The following SYNE3 variants were observed in gnomAD, a reference collection of about 807,000 sequenced individuals.
SYNE3 encodes the protein nesprin-3.
Under a neutral mutation model 111.2 loss-of-function variants are expected in SYNE3, and 100 were observed. The observed-to-expected ratio is 0.90, with a 90% CI of 0.77 to 1.06. The LOEUF is 1.06. Ranked by LOEUF, SYNE3 falls within the 50% of genes least tolerant of loss-of-function variation. The probability of loss-of-function intolerance (pLI) is 0.00; values close to 1 mark genes in which losing one functional copy is unlikely to be tolerated. For missense variants in SYNE3, 1,160 were observed against 1,240.3 expected, an observed-to-expected ratio of 0.94 and a Z score of 0.97; for synonymous variants, 547 against 533.9, an observed-to-expected ratio of 1.02 and a Z score of -0.34.
chr14:95,418,354 T>C (rs1290079569), intron 17 of SYNE3, among the ~76,000 whole-genome samples: 7 of 152,130 alleles, frequency 4.6e-5, no homozygotes, highest in Admixed American at 6.5e-5. Flanking sequence ...GAATCTCTAG[T>C]TTCTCATCTT....
chr14:95,432,207 T>C, intron 16 of SYNE3, 90 bp from the exon 17 acceptor site: 1 of 1,465,336 alleles, frequency 6.8e-7, no homozygotes, highest in Non-Finnish European at 9.3e-7. Flanking sequence ...TAATGGAATA[T>C]TCGTTTTGTC....
At chr14:95,495,835 C>T (rs1005700756) in intron 1 of SYNE3, among the ~76,000 whole-genome samples, 4 of 152,230 alleles carry the variant, frequency 2.6e-5, no homozygotes, top group African/African-American at 9.6e-5. Flanking sequence ...GCCCCAGTGG[C>T]TCATGCTGGA....
chr14:95,475,986 T>C (rs1440765383), intron 1 of SYNE3, 151 bp from the exon 2 acceptor site: 3 of 726,346 alleles, frequency 4.1e-6, no homozygotes, highest in Non-Finnish European at 5.8e-6. Context: ...TGAGCACGTT[T>C]GTCAGGAATG....
intron 17 of SYNE3, 35 bp from the exon 18 acceptor site, chr14:95,418,061 G>A (rs777101883): frequency 1.9e-6 from 3 of 1,600,192 alleles, no homozygotes; most frequent in African/African-American, 2.7e-5. Flanking sequence ...GAGTGGGCTG[G>A]GGGGCTCTGG....
In SYNE3 at chr14:95,412,036, G is replaced by T. The variant is rs1903447872; in HGVS notation, c.*5790C>A. 1 of 152,426 alleles carries T rather than the reference G, an allele frequency of 6.6e-6. No homozygotes were observed. Among genetic ancestry groups the T allele is most frequent in the South Asian group, 2.1e-4 (1 of 4,834 alleles). 9.4% of individuals were successfully genotyped at this position (152,426 alleles called of 1,614,324 possible). A position where few individuals can be genotyped will look rare whatever the true frequency, so the allele number is the denominator to read the frequency against. On this transcript the variant is annotated 3_prime_UTR_variant, in exon 18 of 18. Transcript: ENST00000682763. ...CTTGAAGCCTCCAGGAGCCTCCCAA[G>T]CTGTGTTGTTCTGTGACCCAGCACA...
intron 1 of SYNE3, among the ~76,000 whole-genome samples, chr14:95,479,833 G>T (rs1229691853): frequency 2.6e-5 from 4 of 152,186 alleles, no homozygotes; most frequent in African/African-American, 9.7e-5. Context: ...CAAGGGTTAG[G>T]CATTGGAAGG....
chr14:95,502,397 G>A (rs577980726), intron 1 of SYNE3, among the ~76,000 whole-genome samples: 8 of 152,024 alleles, frequency 5.3e-5, no homozygotes, highest in East Asian at 1.9e-4. Flanking sequence ...GGTTATGGAC[G>A]GGACAGCCGC....
chr14:95,462,973 T>C (rs776387664), intron 4 of SYNE3, among the ~76,000 whole-genome samples: 5 of 152,076 alleles, frequency 3.3e-5, no homozygotes, highest in South Asian at 2.1e-4. Context: ...CTGACCAACA[T>C]GGAGAGACCC....
At chr14:95,419,177 A>T (rs1417808564) in intron 17 of SYNE3, among the ~76,000 whole-genome samples, 1 of 152,184 alleles carries the variant, frequency 6.6e-6, no homozygotes, top group Non-Finnish European at 1.5e-5. Flanking sequence ...CACTCAGAAG[A>T]GTGAGGCCCT....
chr14:95,435,100 G>C (rs1416695301), intron 15 of SYNE3, among the ~76,000 whole-genome samples: 1 of 152,164 alleles, frequency 6.6e-6, no homozygotes, highest in African/African-American at 2.4e-5. Flanking sequence ...GCCTTGAGAT[G>C]TTAGAATTAT....
In SYNE3 at chr14:95,457,206, G is replaced by C; in HGVS notation, c.760C>G (p.Pro254Ala). The change falls in exon 5 of 18, where the codon CCC (proline) becomes GCC (alanine). Residue 254 changes from proline (P) to alanine (A), a missense_variant. Pro to Ala is a conservative substitution (Grantham distance 27). Transcript: ENST00000682763. ...NGCLGRNCKL[P>A]ITQRLSTLQD... ...AGTGTGGAGAGGCGCTGCGTGATGG[G>C]CAGCTTGCAGTTCCGCCCCAGGCAG... The C allele has an allele frequency of 6.2e-7, 1 of 1,614,010 alleles. No individual in the cohort carries two copies. The highest frequency in any genetic ancestry group is 1.3e-5 in the African/African-American group (1 of 74,986).
At chr14:95,512,595 G>C (rs1317939991) in intron 1 of SYNE3, among the ~76,000 whole-genome samples, 1 of 151,484 alleles carries the variant, frequency 6.6e-6, no homozygotes, top group Non-Finnish European at 1.5e-5. Context: ...GCTCATGCCT[G>C]TAATCCTAGC....
chr14:95,475,086 G>C (rs145747003), intron 2 of SYNE3, among the ~76,000 whole-genome samples: 1 of 152,358 alleles, frequency 6.6e-6, no homozygotes, highest in African/African-American at 2.4e-5. Flanking sequence ...CTTGTCCCCA[G>C]GCCACGGGCG....
intron 1 of SYNE3, among the ~76,000 whole-genome samples, chr14:95,502,893 G>A (rs549066375): frequency 3.3e-5 from 5 of 152,288 alleles, no homozygotes; most frequent in South Asian, 2.1e-4. Flanking sequence ...GCTCCATGTC[G>A]AGCAGCGAGT....
chr14:95,502,262 AC>A (rs1890365255), intron 1 of SYNE3, among the ~76,000 whole-genome samples: 1 of 106,096 alleles, frequency 9.4e-6, no homozygotes, highest in African/African-American at 3.6e-5. Context: ...CACTCTACTG[AC>A]CCCCCACCCC....
At chr14:95,460,095 C>T (rs576031695) in intron 4 of SYNE3, among the ~76,000 whole-genome samples, 9 of 152,298 alleles carry the variant, frequency 5.9e-5, no homozygotes, top group African/African-American at 2.2e-4. Flanking sequence ...GAACAAGACC[C>T]TGTCTCAAAA....
chr14:95,433,527 G>T, intron 15 of SYNE3, 118 bp from the exon 16 acceptor site: 1 of 1,400,184 alleles, frequency 7.1e-7, no homozygotes, highest in Non-Finnish European at 9.7e-7. Flanking sequence ...GGAGGAGGCA[G>T]ACAGAATCCA....
intron 3 of SYNE3, among the ~76,000 whole-genome samples, chr14:95,466,668 G>A (rs1408540080): frequency 1.3e-5 from 2 of 152,280 alleles, no homozygotes; most frequent in Middle Eastern, 3.4e-3. Context: ...GCTGGCACAC[G>A]CACACCCACT....
rs757433429 is a variant in SYNE3, at chr14:95,436,984, G to A, written c.2377-3C>T. The stretch of plus-strand genomic sequence containing the variant: ...TCTTCTTCCTGTAGAAGATTTGCCT[G>A]TAGGATCACACACGGCCAAAGCGTC... On this transcript the variant is annotated splice_region_variant and splice_polypyrimidine_tract_variant and intron_variant, in intron 14 of 17. Coordinates refer to ENST00000682763, the MANE Select transcript of SYNE3 (RefSeq NM_152592.6). The A allele has an allele frequency of 1.9e-6, 3 of 1,614,072 alleles. No homozygotes were observed. Among genetic ancestry groups the A allele is most frequent in the African/African-American group, 2.7e-5 (2 of 74,934 alleles).
Sources: allele counts gnomAD v4.1 joint callset (sites outside exome capture counted in the v4.1 genomes callset), GRCh38; gene constraint gnomAD v4.1.1; transcripts MANE v1.5; gene names NCBI Gene and HGNC (gene_info 2026-07-23, HGNC 2026-07-21).